ATAD5: variants seen among roughly 807,000 people sequenced by gnomAD.
ATAD5 encodes ATPase family AAA domain containing 5.
Under a neutral mutation model 176.9 loss-of-function variants are expected in ATAD5, and 58 were observed. The observed-to-expected ratio is 0.33, with a 90% CI of 0.27 to 0.41. The LOEUF (loss-of-function observed/expected upper bound fraction) is 0.41. Among genes scored for constraint, ATAD5 ranks in the 10% least tolerant of loss-of-function variants. The pLI, the probability that ATAD5 is intolerant of heterozygous loss-of-function variation, is 1.00. For missense variants in ATAD5, 1,789 were observed against 2,094.1 expected (o/e 0.85, Z 2.84); for synonymous variants, 640 against 712.6 (o/e 0.90, Z 1.62).
intron 6 of ATAD5, among the ~76,000 whole-genome samples, chr17:30,847,933 G>A (rs975561830): frequency 6.6e-6 from 1 of 151,556 alleles, no homozygotes; most frequent in Non-Finnish European, 1.5e-5. Context: ...TGTTAGCCAG[G>A]ATGGTCTCGA....
intron 10 of ATAD5, among the ~76,000 whole-genome samples, chr17:30,865,297 C>A (rs558161918): frequency 3.3e-5 from 5 of 151,982 alleles, no homozygotes; most frequent in African/African-American, 1.2e-4. Context: ...CTCAGCCTCC[C>A]GAGTAGCTGG....
chr17:30,893,911 T>A lies in ATAD5; in HGVS notation c.5058T>A (p.Ser1686Arg). Residue 1686 changes from serine (S) to arginine (R), a missense_variant, in exon 21 of 23, where the codon AGT (serine) becomes AGA (arginine). Physicochemically the swap from Ser to Arg is moderately radical, Grantham distance 110. Transcript: ENST00000321990. Reference protein sequence around the residue: ...DFSWTNGKVTSGLCDEFSLES... With the variant: ...DFSWTNGKVTRGLCDEFSLES... Reference sequence around the variant, plus strand: ...GTTGGACAAATGGAAAGGTTACAAGTGGACTTTGTGATGAGTTTAGTCTTG... The same window carrying A: ...GTTGGACAAATGGAAAGGTTACAAGAGGACTTTGTGATGAGTTTAGTCTTG... The A allele has an allele frequency of 6.2e-7, 1 of 1,614,076 alleles. No individual in the cohort carries two copies. Among genetic ancestry groups the A allele is most frequent in the Non-Finnish European group, 8.5e-7 (1 of 1,179,938 alleles).
intron 10 of ATAD5, among the ~76,000 whole-genome samples, chr17:30,862,425 TGTTCTC>T (rs1311344673): frequency 2.6e-5 from 4 of 152,162 alleles, no homozygotes; most frequent in Non-Finnish European, 5.9e-5. Context: ...ATCTCTGACA[TGTTCTC>T]ATTCAGTTTA....
intron 10 of ATAD5, among the ~76,000 whole-genome samples, chr17:30,863,281 C>T (rs890699282): frequency 2.6e-5 from 4 of 152,102 alleles, no homozygotes; most frequent in Admixed American, 6.5e-5. Context: ...CTGCAGCCTC[C>T]ACCTCCTGAG....
intron 14 of ATAD5, chr17:30,869,977 G>A: frequency 4.5e-6 from 1 of 219,780 alleles, no homozygotes; most frequent in Non-Finnish European, 8.9e-6. Flanking sequence ...AGCTAGGTGT[G>A]GTGGTGTATG....
chr17:30,860,287 G>A (rs906640486), intron 9 of ATAD5, 146 bp from the exon 10 acceptor site: 18 of 874,340 alleles, frequency 2.1e-5, no homozygotes, highest in African/African-American at 3.5e-5. Context: ...ACCTCCCAAA[G>A]TTCTGGGATT....
intron 19 of ATAD5, among the ~76,000 whole-genome samples, chr17:30,890,109 G>C (rs1385806526): frequency 6.6e-6 from 1 of 151,666 alleles, no homozygotes; most frequent in African/African-American, 2.4e-5. Context: ...GCCTGGTATT[G>C]AACTCCTGGG....
At chr17:30,865,681 AAT>A in intron 10 of ATAD5, 21 bp from the exon 11 acceptor site, 1 of 1,341,454 alleles carries the variant, frequency 7.5e-7, no homozygotes, top group South Asian at 1.4e-5. Flanking sequence ...TGAATACCTT[AAT>A]TTTTTTTTTT....
chr17:30,881,909 T>TCC lies in ATAD5; in HGVS notation c.4077+2430_4077+2431dup, dbSNP rs143533458. Among the ~76,000 whole-genome samples, 497 of 147,990 alleles carry TCC rather than the reference T, an allele frequency of 3.4e-3. 5 individuals carry two copies. The highest frequency in any genetic ancestry group is 0.012 in the African/African-American group (479 of 40,352). ...AGCTTGGTGACAGAGCAAGACCCTGTCCCCCCCCCAAAAAAATAATTGTTT... is the reference window on the plus strand; with the variant it reads ...AGCTTGGTGACAGAGCAAGACCCTGTCCCCCCCCCCCAAAAAAATAATTGTTT... On this transcript the variant is annotated intron_variant, in intron 18 of 22. Transcript: ENST00000321990.
At chr17:30,837,017 G>T (rs931143561) in intron 2 of ATAD5, among the ~76,000 whole-genome samples, 189 bp from the exon 3 acceptor site, 1 of 152,050 alleles carries the variant, frequency 6.6e-6, no homozygotes, top group East Asian at 1.9e-4. Context: ...CTGGAAACAA[G>T]TTCTCACTGT....
rs374964626 is a variant in ATAD5, at chr17:30,837,193, A to G, written c.1968-13A>G. 6 of 1,373,382 alleles carry G rather than the reference A, an allele frequency of 4.4e-6. No homozygotes were observed. The highest frequency in any genetic ancestry group is 6.0e-6 in the Non-Finnish European group (6 of 1,001,856). 85.1% of individuals were successfully genotyped at this position (1,373,382 alleles called of 1,614,324 possible). A position where few individuals can be genotyped will look rare whatever the true frequency, so the allele number is the denominator to read the frequency against. On this transcript the variant is annotated splice_polypyrimidine_tract_variant and intron_variant, in intron 2 of 22. Transcript: ENST00000321990. ...TCATGAAAATGTTTCTGAATACCTT[A>G]TTTTTATTTCAGAATGAAATTCACC...
Position 30,835,884 on chromosome 17 carries a change from C to T in ATAD5, c.1803C>T (p.Ser601=). ...PKSTRRSGRI[S]STPTTETIRG... ...CAACTAGAAGATCTGGAAGAATTAGCAGCACACCTACTACAGAAACCATTA... is the reference window on the plus strand; with the variant it reads ...CAACTAGAAGATCTGGAAGAATTAGTAGCACACCTACTACAGAAACCATTA... Residue 601 remains serine (S), a synonymous_variant, in exon 2 of 23, where the codon AGC becomes AGT. Coordinates refer to ENST00000321990, the MANE Select transcript of ATAD5 (RefSeq NM_024857.5). 2 of 1,614,052 alleles carry T rather than the reference C, an allele frequency of 1.2e-6. No homozygotes were observed. The highest frequency in any genetic ancestry group is 1.7e-6 in the Non-Finnish European group (2 of 1,179,990).
rs752691843 is a variant in ATAD5, at chr17:30,835,336, G to C, written c.1255G>C (p.Val419Leu). Residue 419 changes from valine (V) to leucine (L), a missense_variant, in exon 2 of 23, where the codon GTT becomes CTT. Physicochemically the swap from Val to Leu is conservative, Grantham distance 32 (BLOSUM62 1). Coordinates refer to ENST00000321990, the MANE Select transcript of ATAD5 (RefSeq NM_024857.5). ...QPASDALKNG[V>L]KKSSDKQKDL... is the part of the protein sequence containing the mutation. ...AGCATCAGATGCACTTAAAAATGGA[G>C]TTAAAAAGTCTTCTGATAAGCAGAA... 1 of 1,613,666 alleles carries C rather than the reference G, an allele frequency of 6.2e-7. No homozygotes were observed. The highest frequency in any genetic ancestry group is 8.5e-7 in the Non-Finnish European group (1 of 1,179,878).
In ATAD5 at chr17:30,894,573, G is replaced by T; in HGVS notation, c.5307G>T (p.Trp1769Cys). The T allele has an allele frequency of 1.2e-6, 2 of 1,600,814 alleles. No individual in the cohort carries two copies. Among genetic ancestry groups the T allele is most frequent in the Non-Finnish European group, 1.7e-6 (2 of 1,176,370 alleles). ...TGCATTACTTTTACAGCAATGCTTG[G>T]AAGAGGATATCAGTCATTAAAAGTG... Reference protein sequence around the residue: ...SQSAANLDNAWKRISVIKSVF... With the variant: ...SQSAANLDNACKRISVIKSVF... Residue 1769 changes from tryptophan (W) to cysteine (C), a missense_variant, in exon 22 of 23, where the codon TGG becomes TGT. Transcript: ENST00000321990.
At chr17:30,847,049 C>T (rs1198214833) in intron 6 of ATAD5, among the ~76,000 whole-genome samples, 1 of 151,932 alleles carries the variant, frequency 6.6e-6, no homozygotes, top group Non-Finnish European at 1.5e-5. Flanking sequence ...ATGTACATAC[C>T]TGTAATTACC....
At chr17:30,882,869 A>G (rs758832733) in intron 18 of ATAD5, among the ~76,000 whole-genome samples, 1 of 152,190 alleles carries the variant, frequency 6.6e-6, no homozygotes, top group Non-Finnish European at 1.5e-5. Flanking sequence ...GCCTAAGGCT[A>G]GAGGAGCTAG....
chr17:30,871,666 G>A lies in ATAD5; in HGVS notation c.3607+2020G>A, dbSNP rs371746803. On this transcript the variant is annotated intron_variant, in intron 14 of 22. Transcript: ENST00000321990. ...CGCCTGGCCCATCTGTGTCATTTCT[G>A]AGTTGTTTTTTCAATTGATTGATTA... Among the ~76,000 whole-genome samples the A allele has an allele frequency of 5.9e-5, 9 of 152,080 alleles. No individual in the cohort carries two copies. In the South Asian group the frequency reaches 1.9e-3, roughly 32 times the overall value.
chr17:30,839,441 T>C (rs1905952266), intron 3 of ATAD5, among the ~76,000 whole-genome samples: 1 of 152,006 alleles, frequency 6.6e-6, no homozygotes, highest in South Asian at 2.1e-4. Context: ...CATGCCCAGC[T>C]AATTTTTGTA....
intron 3 of ATAD5, 41 bp from the exon 4 acceptor site, chr17:30,840,576 T>G (rs1597953882): frequency 1.6e-6 from 2 of 1,289,164 alleles, no homozygotes; most frequent in East Asian, 5.2e-5. Flanking sequence ...ATATAAAATA[T>G]TTTCTTGTGA....
Sources: allele counts gnomAD v4.1 joint callset (sites outside exome capture counted in the v4.1 genomes callset), GRCh38; gene constraint gnomAD v4.1.1; transcripts MANE v1.5; gene names NCBI Gene and HGNC (gene_info 2026-07-23, HGNC 2026-07-21).